Variants in MYO16 observed in about 807,000 individuals in gnomAD.
The protein encoded by MYO16 is unconventional myosin-XVI.
A neutral mutation model predicts 205.3 loss-of-function variants in MYO16; 94 were observed. The ratio of observed to expected loss-of-function variants is 0.46; its 90% confidence interval spans 0.39 to 0.54. The LOEUF (loss-of-function observed/expected upper bound fraction) is 0.54, where lower values mean the gene tolerates loss of function less well. Among genes scored for constraint, MYO16 ranks in the 20% least tolerant of loss-of-function variants. MYO16 has a pLI of 0.00. For synonymous variants in MYO16, 988 were observed against 954.0 expected (o/e 1.04, Z -0.66); for missense variants, 2,315 against 2,387.5 (o/e 0.97, Z 0.63).
chr13:109,065,526 G>GAAAA, intron 27 of MYO16: 2 of 373,390 alleles, frequency 5.4e-6, no homozygotes, highest in Non-Finnish European at 5.1e-6. Flanking sequence ...AGGCCATGCT[G>GAAAA]AAAAAAAAAA....
rs759024063 is a variant in MYO16 at position 108,961,632 on chromosome 13, T to G, written c.2131T>G (p.Ser711Ala). ...ALNEGNSAFV[S>A]DLQLLEQVAG... is the part of the protein sequence containing the mutation. ...GAATGAGGGGAACTCCGCCTTCGTT[T>G]CTGACCTCCAGCTCCTGGAACAAGG... Residue 711 changes from serine (S) to alanine (A), a missense_variant, in exon 18 of 35, where the codon TCT becomes GCT. Physicochemically the swap from Ser to Ala is moderately conservative, Grantham distance 99. Transcript: ENST00000457511. 1.2e-5 allele frequency: 20 copies of G among 1,613,928 alleles called. 1 individual carries two copies. The South Asian group carries it at 2.1e-4, about 17-fold the overall frequency.
At chr13:108,520,399 G>T in the MYO16 span, among the ~76,000 whole-genome samples, 1 of 152,098 alleles carries the variant, frequency 6.6e-6, no homozygotes, top group African/African-American at 2.4e-5. Flanking sequence ...TCCAATTTAT[G>T]TGTGATTAAA....
At chr13:108,953,641 A>T (rs1260002257) in intron 16 of MYO16, among the ~76,000 whole-genome samples, 3 of 151,234 alleles carry the variant, frequency 2.0e-5, no homozygotes, top group African/African-American at 4.9e-5. Flanking sequence ...ATATTTTACC[A>T]TGCATATTTT....
chr13:108,714,607 T>TGTGTGG (rs1338522373), intron 3 of MYO16, among the ~76,000 whole-genome samples: 1 of 143,062 alleles, frequency 7.0e-6, no homozygotes, highest in Non-Finnish European at 1.5e-5. Context: ...TGTGTGTGTG[T>TGTGTGG]GTGTGTATAT....
chr13:108,607,680 G>C (rs1391538905), intron 1 of MYO16, among the ~76,000 whole-genome samples: 3 of 152,094 alleles, frequency 2.0e-5, no homozygotes, highest in Non-Finnish European at 4.4e-5. Context: ...ACTAATACAT[G>C]TACTTGCTCC....
chr13:108,539,648 T>C, the MYO16 span, among the ~76,000 whole-genome samples: 1 of 152,082 alleles, frequency 6.6e-6, no homozygotes. Context: ...GGCATGCTTA[T>C]GGAGAAAGCG....
At chr13:108,870,923 T>C (rs190716057) in intron 12 of MYO16, among the ~76,000 whole-genome samples, 107 of 152,244 alleles carry the variant, frequency 7.0e-4, no homozygotes, top group African/African-American at 2.4e-3. Context: ...TTTTATAAAT[T>C]CATTATCAAT....
chr13:108,939,166 G>T (rs981064198), intron 16 of MYO16, among the ~76,000 whole-genome samples: 9 of 152,208 alleles, frequency 5.9e-5, no homozygotes, highest in Admixed American at 5.2e-4. Flanking sequence ...TAGGTGCCTG[G>T]ATTAAAAACG....
intron 2 of MYO16, among the ~76,000 whole-genome samples, chr13:108,698,305 T>A (rs751784349): frequency 6.6e-6 from 1 of 152,004 alleles, no homozygotes; most frequent in African/African-American, 2.4e-5. Flanking sequence ...AGAAAAGGAG[T>A]GTGGACAGAT....
the MYO16 span, among the ~76,000 whole-genome samples, chr13:108,561,131 G>T: frequency 2.0e-5 from 3 of 152,190 alleles, no homozygotes; most frequent in African/African-American, 7.2e-5. Flanking sequence ...TGTCTGTGAT[G>T]TGTCAATTAC....
intron 28 of MYO16, among the ~76,000 whole-genome samples, chr13:109,116,123 T>C (rs141142363): frequency 4.6e-5 from 7 of 152,274 alleles, no homozygotes; most frequent in Non-Finnish European, 1.0e-4. Flanking sequence ...TATGCCCAAG[T>C]AGTTGATTGA....
intron 2 of MYO16, among the ~76,000 whole-genome samples, chr13:108,666,608 T>A (rs1026526479): frequency 1.3e-5 from 2 of 152,098 alleles, no homozygotes; most frequent in African/African-American, 4.8e-5. Context: ...CAGAGAATTG[T>A]TTTTCCTGAT....
intron 2 of MYO16, among the ~76,000 whole-genome samples, chr13:108,703,531 A>G (rs1315704410): frequency 6.6e-6 from 1 of 152,230 alleles, no homozygotes; most frequent in Non-Finnish European, 1.5e-5. Context: ...TCAACAGGAA[A>G]AAGAAGACTT....
chr13:109,168,802 T>C (rs1407867734), intron 33 of MYO16, among the ~76,000 whole-genome samples: 1 of 152,042 alleles, frequency 6.6e-6, no homozygotes, highest in East Asian at 1.9e-4. Context: ...AAAAGCAAAA[T>C]ATTTTAACTA....
the MYO16 span, among the ~76,000 whole-genome samples, chr13:108,556,702 T>C: frequency 6.6e-6 from 1 of 152,222 alleles, no homozygotes; most frequent in African/African-American, 2.4e-5. Flanking sequence ...TAAAAATCAT[T>C]GCCCATATCA....
At chr13:109,003,189 A>G (rs1885273413) in intron 21 of MYO16, among the ~76,000 whole-genome samples, 1 of 152,206 alleles carries the variant, frequency 6.6e-6, no homozygotes, top group Non-Finnish European at 1.5e-5. Flanking sequence ...TGGAAACACA[A>G]ATATAGATTT....
the MYO16 span, among the ~76,000 whole-genome samples, chr13:108,590,855 C>T: frequency 6.6e-6 from 1 of 152,112 alleles, no homozygotes; most frequent in Admixed American, 6.5e-5. Context: ...ACAACCTCAC[C>T]CCCTTGATTT....
intron 34 of MYO16, among the ~76,000 whole-genome samples, chr13:109,188,450 A>G (rs2139937626): frequency 6.6e-6 from 1 of 152,276 alleles, no homozygotes; most frequent in African/African-American, 2.4e-5. Flanking sequence ...TTTTTATCCA[A>G]TCTGACAACC....
intron 1 of MYO16, among the ~76,000 whole-genome samples, chr13:108,601,406 C>T (rs182198758): frequency 3.0e-4 from 45 of 152,166 alleles, no homozygotes; most frequent in African/African-American, 9.6e-4. Context: ...TTTTAAATCA[C>T]ATATATATAA....
Sources: allele counts gnomAD v4.1 joint callset (sites outside exome capture counted in the v4.1 genomes callset), GRCh38; gene constraint gnomAD v4.1.1; transcripts MANE v1.5; gene names NCBI Gene and HGNC (gene_info 2026-07-23, HGNC 2026-07-21).